The following ASIC2 variants were observed in gnomAD, a reference collection of about 807,000 sequenced individuals.
The protein encoded by ASIC2 is acid sensing ion channel subunit 2, also known as acid-sensing ion channel 2.
A neutral mutation model predicts 57.3 loss-of-function variants in ASIC2; 25 were observed. The observed-to-expected ratio is 0.44, with a 90% CI of 0.32 to 0.61. The LOEUF (loss-of-function observed/expected upper bound fraction) is 0.61. Among genes scored for constraint, ASIC2 ranks in the 20% least tolerant of loss-of-function variants. The probability of loss-of-function intolerance (pLI) is 0.06; values close to 1 mark genes in which losing one functional copy is unlikely to be tolerated. For synonymous variants in ASIC2, 319 were observed against 307.5 expected, an observed-to-expected ratio of 1.04 and a Z score of -0.39; for missense variants, 641 against 738.1, an observed-to-expected ratio of 0.87 and a Z score of 1.52.
intron 1 of ASIC2, among the ~76,000 whole-genome samples, chr17:33,753,085 A>G (rs1910483698): frequency 6.6e-6 from 1 of 152,248 alleles, no homozygotes; most frequent in African/African-American, 2.4e-5. Flanking sequence ...GTGGATGAAT[A>G]CACTGTGGTA....
chr17:34,073,035 G>A (rs1312620827), intron 1 of ASIC2, among the ~76,000 whole-genome samples: 1 of 152,186 alleles, frequency 6.6e-6, no homozygotes, highest in Non-Finnish European at 1.5e-5. Flanking sequence ...CAAAGAACCA[G>A]GAGGTGATAG....
intron 2 of ASIC2, among the ~76,000 whole-genome samples, chr17:33,090,502 C>T (rs559859011): frequency 1.6e-4 from 24 of 152,046 alleles, no homozygotes; most frequent in African/African-American, 5.6e-4. Flanking sequence ...ACAAGGCCAA[C>T]CTGGAGGCCA....
At chr17:34,000,211 A>G (rs1327427865) in intron 1 of ASIC2, among the ~76,000 whole-genome samples, 1 of 149,710 alleles carries the variant, frequency 6.7e-6, no homozygotes, top group Admixed American at 6.6e-5. Context: ...TTGCCTTTGA[A>G]TTTGAGAATT....
At chr17:33,547,465 T>C (rs1261789017) in intron 1 of ASIC2, among the ~76,000 whole-genome samples, 1 of 152,196 alleles carries the variant, frequency 6.6e-6, no homozygotes, top group Non-Finnish European at 1.5e-5. Context: ...TCTTTCCTCC[T>C]GGTCTGGACC....
chr17:33,100,109 C>T (rs575446743), intron 2 of ASIC2: 1 of 152,346 alleles, frequency 6.6e-6, no homozygotes, highest in Non-Finnish European at 1.5e-5. Context: ...GCAACACAGA[C>T]TTGGGGGTGG....
At chr17:33,675,413 C>T (rs1907788212) in intron 1 of ASIC2, among the ~76,000 whole-genome samples, 1 of 152,154 alleles carries the variant, frequency 6.6e-6, no homozygotes, top group South Asian at 2.1e-4. Flanking sequence ...GTGATCAGCT[C>T]CACACCTGTT....
chr17:33,154,508 A>C (rs1211503128), intron 1 of ASIC2, among the ~76,000 whole-genome samples: 3 of 152,288 alleles, frequency 2.0e-5, no homozygotes, highest in African/African-American at 4.8e-5. Flanking sequence ...ATCTTGGTGA[A>C]GCAGGTATTA....
At chr17:33,616,103 C>G (rs537614443) in intron 1 of ASIC2, among the ~76,000 whole-genome samples, 3 of 152,228 alleles carry the variant, frequency 2.0e-5, no homozygotes, top group African/African-American at 7.2e-5. Context: ...GTCTCTGTTA[C>G]GACCAGCTGT....
Position 33,579,672 on chromosome 17 carries a change from G to A in ASIC2, c.556-467605C>T, listed in dbSNP as rs568335448. On this transcript the variant is annotated intron_variant, in intron 1 of 9. Coordinates refer to the ASIC2 transcript ENST00000359872. ...CTTCTGGTGGGCTCCTGGTCTGGCA[G>A]ACTTCTAGAGTGAAGCTACAGACCT... is the stretch of plus-strand genomic sequence containing the variant. 3.7e-4 allele frequency among the ~76,000 whole-genome samples: 56 copies of A among 152,188 alleles called. 2 individuals are homozygous for A. Among genetic ancestry groups the A allele is most frequent in the African/African-American group, 1.2e-3 (50 of 41,480 alleles).
chr17:33,926,543 G>C (rs1362041215), intron 1 of ASIC2, among the ~76,000 whole-genome samples: 1 of 152,186 alleles, frequency 6.6e-6, no homozygotes, highest in Non-Finnish European at 1.5e-5. Flanking sequence ...CCATCAGAAA[G>C]CAAGGGTGTC....
intron 1 of ASIC2, among the ~76,000 whole-genome samples, chr17:33,714,021 G>T (rs367733998): frequency 3.9e-5 from 6 of 151,940 alleles, no homozygotes; most frequent in African/African-American, 9.7e-5. Flanking sequence ...CTTCTCAAGT[G>T]GGGGGTGGGC....
chr17:33,536,523 G>A (rs776235414), intron 1 of ASIC2, among the ~76,000 whole-genome samples: 18 of 152,126 alleles, frequency 1.2e-4, no homozygotes, highest in Non-Finnish European at 2.2e-4. Flanking sequence ...AATGCCTACC[G>A]ACACATCCAC....
chr17:33,731,210 G>A (rs1909731296), intron 1 of ASIC2, among the ~76,000 whole-genome samples: 1 of 152,148 alleles, frequency 6.6e-6, no homozygotes, highest in South Asian at 2.1e-4. Context: ...AGATTTACTG[G>A]GGAGTCACAA....
chr17:33,244,179 T>C (rs925429275), intron 1 of ASIC2, among the ~76,000 whole-genome samples: 1 of 151,962 alleles, frequency 6.6e-6, no homozygotes, highest in Admixed American at 6.6e-5. Context: ...TGCTAAGTGA[T>C]CCTGTTAGAT....
intron 1 of ASIC2, among the ~76,000 whole-genome samples, chr17:33,426,688 T>C (rs1333785632): frequency 6.6e-6 from 1 of 152,234 alleles, no homozygotes; most frequent in East Asian, 1.9e-4. Flanking sequence ...CAAACATTGA[T>C]TCAAGAAGTT....
chr17:34,146,757 C>T (rs1912429631), intron 1 of ASIC2: 2 of 152,248 alleles, frequency 1.3e-5, no homozygotes, highest in Non-Finnish European at 2.9e-5. Flanking sequence ...GCTCTACCTA[C>T]AGGTGCAGTA....
At chr17:33,814,040 C>A (rs967783265) in intron 1 of ASIC2, among the ~76,000 whole-genome samples, 1 of 152,072 alleles carries the variant, frequency 6.6e-6, no homozygotes, top group Non-Finnish European at 1.5e-5. Flanking sequence ...GAGCATACTG[C>A]AGGGGGACTG....
intron 1 of ASIC2, among the ~76,000 whole-genome samples, chr17:33,889,321 AAGAGGCATTGAGTG>A (rs1290524667): frequency 6.6e-6 from 1 of 152,126 alleles, no homozygotes; most frequent in Non-Finnish European, 1.5e-5. Flanking sequence ...ACTCAAAACT[AAGAGGCATTGAGTG>A]AGGGAAGTGA....
chr17:33,493,769 G>A (rs1376695081), intron 1 of ASIC2, among the ~76,000 whole-genome samples: 3 of 152,070 alleles, frequency 2.0e-5, no homozygotes, highest in African/African-American at 7.2e-5. Context: ...CCTCCACCCT[G>A]TGCTGGGATC....
Sources: gnomAD v4.1 joint callset for allele counts (sites outside exome capture counted in the v4.1 genomes callset) on GRCh38, gnomAD v4.1.1 for gene constraint, MANE v1.5 for transcripts, NCBI Gene and HGNC (gene_info 2026-07-23, HGNC 2026-07-21) for gene names.